The following DCN variants were observed in gnomAD, a reference collection of about 807,000 sequenced individuals.
DCN encodes the protein bone proteoglycan II.
A neutral mutation model predicts 36.5 loss-of-function variants in DCN; 17 were observed. The ratio of observed to expected loss-of-function variants is 0.47; its 90% CI spans 0.32 to 0.70. The LOEUF is 0.70. Among genes scored for constraint, DCN ranks in the 30% least tolerant of loss-of-function variants. The probability of loss-of-function intolerance (pLI) is 0.04; values close to 1 mark genes in which losing one functional copy is unlikely to be tolerated. For synonymous variants in DCN, 163 were observed against 161.4 expected, an observed-to-expected ratio of 1.01 and a Z score of -0.07; for missense variants, 389 against 430.1, an observed-to-expected ratio of 0.90 and a Z score of 0.84.
intron 7 of DCN, among the ~76,000 whole-genome samples, chr12:91,149,998 A>G (rs1881301001): frequency 6.6e-6 from 1 of 152,196 alleles, no homozygotes; most frequent in Non-Finnish European, 1.5e-5. Context: ...TGATCTGTAG[A>G]TTCAAAACAA....
chr12:91,162,171 C>T (rs1472569439), intron 3 of DCN, among the ~76,000 whole-genome samples: 1 of 152,026 alleles, frequency 6.6e-6, no homozygotes, highest in Non-Finnish European at 1.5e-5. Context: ...GATCTCTTAA[C>T]CTTGTGATCC....
chr12:91,143,542 C>T lies in DCN; in HGVS notation c.*2516G>A, dbSNP rs1322832837. 2 of 152,114 alleles carry T rather than the reference C, an allele frequency of 1.3e-5. No homozygotes were observed. The highest frequency in any genetic ancestry group is 2.9e-5 in the Non-Finnish European group (2 of 68,024). The allele number at this position is 152,114 out of a possible 1,614,324, so 9.4% of individuals were successfully genotyped here. A position where few individuals can be genotyped will look rare whatever the true frequency, so the allele number is the denominator to read the frequency against. Reference sequence around the variant, plus strand: ...AGCTCGAACTGTGTGCCTGTAATAACAATGGCAGTAGCAACACCATAGTTG... The same window carrying T: ...AGCTCGAACTGTGTGCCTGTAATAATAATGGCAGTAGCAACACCATAGTTG... On this transcript the variant is annotated 3_prime_UTR_variant, in exon 8 of 8. Transcript: ENST00000052754.
chr12:91,159,092 C>T (rs3138242), intron 3 of DCN, among the ~76,000 whole-genome samples: 19,639 of 151,934 alleles, frequency 0.13, 1,519 homozygotes, highest in Non-Finnish European at 0.18. Flanking sequence ...TGTATATGTA[C>T]GTGTATATAT....
In DCN at chr12:91,158,535, C is replaced by T. The variant is rs114922731; in HGVS notation, c.325-26G>A. The T allele has an allele frequency of 2.1e-3, 2,502 of 1,220,026 alleles. 46 individuals are homozygous for T. The African/African-American group carries it at 0.033, about 16-fold the overall frequency. The allele number at this position is 1,220,026 out of a possible 1,614,324, so 75.6% of individuals were successfully genotyped here. ...CTGTAGATAGTGAAGAAAAACATCTCTTTAAATCCAAAACCTTCCACATAC... is the reference window on the plus strand; with the variant it reads ...CTGTAGATAGTGAAGAAAAACATCTTTTTAAATCCAAAACCTTCCACATAC... On this transcript the variant is annotated intron_variant, in intron 3 of 7. Transcript: ENST00000052754.
chr12:91,148,944 A>G (rs1267311092), intron 7 of DCN, among the ~76,000 whole-genome samples: 5 of 152,136 alleles, frequency 3.3e-5, no homozygotes, highest in African/African-American at 4.8e-5. Flanking sequence ...GTCATTTACC[A>G]TCCTCTATAT....
chr12:91,151,549 G>GA (rs759554333), intron 7 of DCN, 105 bp downstream of exon 7: 90 of 1,349,266 alleles, frequency 6.7e-5, no homozygotes, highest in Non-Finnish European at 7.2e-5. Flanking sequence ...AGACACTCTG[G>GA]AAAAAAAACT....
Position 91,178,598 on chromosome 12 carries a change from T to C in DCN, c.-33-13A>G, listed in dbSNP as rs770622864. 7 of 1,543,510 alleles carry C rather than the reference T, an allele frequency of 4.5e-6. No individual in the cohort carries two copies. Among genetic ancestry groups the C allele is most frequent in the Non-Finnish European group, 6.3e-6 (7 of 1,116,494 alleles). On this transcript the variant is annotated splice_polypyrimidine_tract_variant and intron_variant, in intron 1 of 7. Coordinates refer to ENST00000052754, the MANE Select transcript of DCN (RefSeq NM_001920.5). ...ACAACCAGGGAACCTAGGAAACAAATGAGAGATTTAAGAAGAGTAGCACTG... is the reference window on the plus strand; with the variant it reads ...ACAACCAGGGAACCTAGGAAACAAACGAGAGATTTAAGAAGAGTAGCACTG...
At chr12:91,163,788 C>A (rs1161693091) in intron 3 of DCN, among the ~76,000 whole-genome samples, 1 of 151,800 alleles carries the variant, frequency 6.6e-6, no homozygotes, top group Non-Finnish European at 1.5e-5. Flanking sequence ...ATCTTTTTTT[C>A]ACTTGATTCC....
At chr12:91,165,209 A>G (rs1882475250) in intron 2 of DCN, among the ~76,000 whole-genome samples, 1 of 152,228 alleles carries the variant, frequency 6.6e-6, no homozygotes, top group African/African-American at 2.4e-5. Context: ...TAAACATATA[A>G]TCAACTTGTG....
intron 3 of DCN, among the ~76,000 whole-genome samples, chr12:91,164,327 T>A (rs1409433195): frequency 1.4e-5 from 2 of 140,132 alleles, no homozygotes; most frequent in Non-Finnish European, 3.0e-5. Context: ...GTAACTAACC[T>A]GCACAATGTG....
intron 1 of DCN, chr12:91,179,417 C>G (rs921931315): frequency 4.6e-5 from 7 of 152,290 alleles, no homozygotes; most frequent in African/African-American, 1.4e-4. Context: ...TCTGTGTCCC[C>G]TGGCTCATCC....
At position 91,178,388 on chromosome 12, in the gene DCN, G is replaced by T. The variant is rs1456046478; in HGVS notation, c.165C>A (p.Pro55=). The change falls in exon 2 of 8, where the codon CCC becomes CCA. Residue 55 remains proline, a synonymous_variant. Transcript: ENST00000052754. ...DFEPSLGPVC[P]FRCQCHLRVV... ...CTCGAAGATGGCATTGACAGCGGAA[G>T]GGGCACACTGGGCCTAGGGAGGGCT... 1.9e-6 allele frequency: 3 copies of T among 1,613,940 alleles called. No homozygotes were observed. Among genetic ancestry groups the T allele is most frequent in the Non-Finnish European group, 2.5e-6 (3 of 1,180,002 alleles).
chr12:91,159,359 A>G (rs1882013811), intron 3 of DCN, among the ~76,000 whole-genome samples: 1 of 152,196 alleles, frequency 6.6e-6, no homozygotes. Context: ...CCAAAATAAT[A>G]TCATGTTGTA....
chr12:91,176,536 A>C (rs1883296890), intron 2 of DCN: 1 of 152,104 alleles, frequency 6.6e-6, no homozygotes, highest in Admixed American at 6.6e-5. Flanking sequence ...ACTTTGAACA[A>C]TTGACTTATG....
chr12:91,177,279 T>C, intron 2 of DCN: 1 of 387,276 alleles, frequency 2.6e-6, no homozygotes, highest in African/African-American at 2.1e-5. Flanking sequence ...CTTTATATTT[T>C]TTCTGGGTTC....
chr12:91,146,354 T>C (rs1881022091), intron 7 of DCN, 102 bp from the exon 8 acceptor site: 1 of 474,236 alleles, frequency 2.1e-6, no homozygotes, highest in East Asian at 3.9e-5. Context: ...TCCTTCACTT[T>C]TTTTTTTTTT....
At chr12:91,182,449 A>G in intron 1 of DCN, 1 of 152,142 alleles carries the variant, frequency 6.6e-6, no homozygotes, top group Admixed American at 6.6e-5. Context: ...AGAGAAAGAA[A>G]TAAAACAATG....
chr12:91,175,244 T>C (rs1467833314), intron 2 of DCN: 1 of 151,882 alleles, frequency 6.6e-6, no homozygotes, highest in Non-Finnish European at 1.5e-5. Context: ...AAAATTGTGG[T>C]TCCAATTACA....
At position 91,141,408 on chromosome 12, in the gene DCN, A is replaced by G. The variant is rs1210307958; in HGVS notation, c.*4650T>C. 2.6e-5 allele frequency: 4 copies of G among 152,088 alleles called. No homozygotes were observed. The highest frequency in any genetic ancestry group is 5.9e-5 in the Non-Finnish European group (4 of 68,066). 9.4% of individuals were successfully genotyped at this position (152,088 alleles called of 1,614,324 possible). On this transcript the variant is annotated 3_prime_UTR_variant, in exon 8 of 8. Transcript: ENST00000052754. ...CCCTGCTCAAATGTCACTCCTGATA[A>G]GTCCTTTTTCCGACCATCCTATATA...
Sources: allele counts gnomAD v4.1 joint callset (sites outside exome capture counted in the v4.1 genomes callset), GRCh38; gene constraint gnomAD v4.1.1; transcripts MANE v1.5; gene names NCBI Gene and HGNC (gene_info 2026-07-23, HGNC 2026-07-21).